VPS8: variants seen among roughly 807,000 people sequenced by gnomAD.
The protein encoded by VPS8 is VPS8 subunit of CORVET complex.
A neutral mutation model predicts 216.4 loss-of-function variants in VPS8; 129 were observed. The ratio of observed to expected loss-of-function variants is 0.60; its 90% confidence interval spans 0.52 to 0.69. The LOEUF (loss-of-function observed/expected upper bound fraction) is 0.69, where lower values mean the gene tolerates loss of function less well. Among genes scored for constraint, VPS8 ranks in the 30% least tolerant of loss-of-function variants. VPS8 has a pLI of 0.00. For synonymous variants in VPS8, 571 were observed against 565.4 expected (o/e 1.01, Z -0.14); for missense variants, 1,531 against 1,683.5 (o/e 0.91, Z 1.59).
At chr3:184,917,594 A>C (rs990138272) in intron 28 of VPS8, among the ~76,000 whole-genome samples, 2 of 152,010 alleles carry the variant, frequency 1.3e-5, no homozygotes, top group African/African-American at 2.4e-5. Context: ...ACACTTGGCT[A>C]ATTTTTGCAC....
In VPS8 at chr3:184,983,055, A is replaced by C. The variant is rs1293644980; in HGVS notation, c.3546A>C (p.Ala1182=). 1 of 1,610,376 alleles carries C rather than the reference A, an allele frequency of 6.2e-7. No homozygotes were observed. The highest frequency in any genetic ancestry group is 1.1e-5 in the South Asian group (1 of 90,296). ...LTMQVLNSMA[A]FIALPSILQR... ...TGCAAGTTTTAAATAGCATGGCAGCATTTATTGCCCTTCCATCAATCTTGC... is the reference window on the plus strand; with the variant it reads ...TGCAAGTTTTAAATAGCATGGCAGCCTTTATTGCCCTTCCATCAATCTTGC... Residue 1182 remains alanine (A), a synonymous_variant, in exon 42 of 48, where the codon GCA becomes GCC. Coordinates refer to ENST00000625842, the MANE Select transcript of VPS8 (RefSeq NM_001009921.3).
chr3:184,933,605 A>C (rs1440828603), intron 34 of VPS8, among the ~76,000 whole-genome samples: 1 of 150,212 alleles, frequency 6.7e-6, no homozygotes, highest in African/African-American at 2.5e-5. Context: ...TTGCTTTCTT[A>C]TTTCTTTTTA....
At chr3:184,869,447 C>A (rs768962899) in intron 19 of VPS8, 35 bp from the exon 20 acceptor site, 5 of 1,610,512 alleles carry the variant, frequency 3.1e-6, no homozygotes, top group Non-Finnish European at 4.2e-6. Flanking sequence ...TGTGGACTAA[C>A]TTTTGTTTTT....
chr3:184,993,006 G>C (rs1333883666), intron 42 of VPS8, among the ~76,000 whole-genome samples: 1 of 152,044 alleles, frequency 6.6e-6, no homozygotes, highest in Non-Finnish European at 1.5e-5. Flanking sequence ...AAGGGGAAAA[G>C]TGAAGTGTTC....
At chr3:184,886,614 C>T (rs1314584446) in intron 22 of VPS8, among the ~76,000 whole-genome samples, 1 of 151,816 alleles carries the variant, frequency 6.6e-6, no homozygotes, top group Non-Finnish European at 1.5e-5. Context: ...GAATCTCGCC[C>T]TGTCACCCAG....
intron 30 of VPS8, among the ~76,000 whole-genome samples, chr3:184,925,741 T>TGCCTTATA (rs1739466934): frequency 6.6e-6 from 1 of 151,848 alleles, no homozygotes; most frequent in Non-Finnish European, 1.5e-5. Context: ...TTGACAACAC[T>TGCCTTATA]GCCTTATAGT....
chr3:184,899,150 A>AT (rs1734038544), intron 24 of VPS8, among the ~76,000 whole-genome samples: 2 of 152,108 alleles, frequency 1.3e-5, no homozygotes, highest in African/African-American at 4.8e-5. Context: ...ATTCATTCTA[A>AT]TTTTTTATTC....
rs182746994 is a variant in VPS8 at position 184,838,868 on chromosome 3, A to G, written c.480+122A>G. On this transcript the variant is annotated intron_variant, in intron 6 of 47. Coordinates refer to ENST00000625842, the MANE Select transcript of VPS8 (RefSeq NM_001009921.3). The stretch of plus-strand genomic sequence containing the variant: ...TGGTAATAAATTCACAAGTCATTTT[A>G]CTGCCAGTAATCAGGTTTAACATTT... 7.8e-4 allele frequency: 586 copies of G among 752,536 alleles called. 1 individual carries two copies. The highest frequency in any genetic ancestry group is 1.0e-3 in the Non-Finnish European group (502 of 478,768). The allele number at this position is 752,536 out of a possible 1,614,324, so 46.6% of individuals were successfully genotyped here. A position where few individuals can be genotyped will look rare whatever the true frequency, so the allele number is the denominator to read the frequency against.
intron 22 of VPS8, among the ~76,000 whole-genome samples, chr3:184,889,409 T>G (rs187531021): frequency 6.3e-4 from 96 of 152,314 alleles, no homozygotes; most frequent in African/African-American, 1.9e-3. Context: ...CTGGTGCTTT[T>G]CATACCTCTT....
chr3:184,837,838 C>T (rs557491844), intron 5 of VPS8, among the ~76,000 whole-genome samples: 8 of 152,230 alleles, frequency 5.3e-5, no homozygotes, highest in Non-Finnish European at 1.0e-4. Flanking sequence ...TACCAAGTAC[C>T]CTTTGTCAAG....
At chr3:184,829,037 T>A (rs977916362) in intron 3 of VPS8, among the ~76,000 whole-genome samples, 2 of 152,216 alleles carry the variant, frequency 1.3e-5, no homozygotes, top group Non-Finnish European at 2.9e-5. Context: ...GTTTTTAGAT[T>A]TGTTCACATT....
At chr3:184,900,854 G>C in intron 24 of VPS8, 67 bp from the exon 25 acceptor site, 3 of 1,395,284 alleles carry the variant, frequency 2.2e-6, no homozygotes, top group Non-Finnish European at 3.0e-6. Context: ...AATAGCATAA[G>C]ATTCTTATTT....
At position 184,894,730 on chromosome 3, in the gene VPS8, T is replaced by C; in HGVS notation, c.1809T>C (p.Asp603=). The part of the protein sequence containing the change: ...RKDLLFSQMY[D]KLSENSVAKG... ...ATCTTTTATTTAGTCAGATGTATGA[T>C]AAATTAAGTGAGAATTCAGTGGCCA... Residue 603 remains aspartate, a synonymous_variant, in exon 23 of 48, where the codon GAT becomes GAC. Coordinates refer to ENST00000625842, the MANE Select transcript of VPS8 (RefSeq NM_001009921.3). 1 of 1,605,732 alleles carries C rather than the reference T, an allele frequency of 6.2e-7. No individual in the cohort carries two copies. Among genetic ancestry groups the C allele is most frequent in the Non-Finnish European group, 8.5e-7 (1 of 1,175,552 alleles).
intron 6 of VPS8, chr3:184,839,469 A>G (rs1211615868): frequency 1.2e-5 from 6 of 484,740 alleles, no homozygotes; most frequent in South Asian, 3.0e-5. Flanking sequence ...AATGTTGAAC[A>G]TATGATATTT....
chr3:184,901,884 T>C (rs1185791292), intron 25 of VPS8, among the ~76,000 whole-genome samples: 2 of 152,218 alleles, frequency 1.3e-5, no homozygotes, highest in Non-Finnish European at 2.9e-5. Flanking sequence ...CCTAATGCTG[T>C]ACCATTTCTC....
intron 29 of VPS8, among the ~76,000 whole-genome samples, chr3:184,921,547 G>C (rs1366733012): frequency 6.6e-6 from 1 of 152,020 alleles, no homozygotes; most frequent in Non-Finnish European, 1.5e-5. Flanking sequence ...CATGTGCTTA[G>C]CTAAACATGA....
chr3:184,893,483 C>T (rs1732764317), intron 22 of VPS8: 7 of 505,390 alleles, frequency 1.4e-5, no homozygotes, highest in Non-Finnish European at 1.9e-5. Flanking sequence ...TGATACAAGG[C>T]AATACAATTT....
intron 42 of VPS8, among the ~76,000 whole-genome samples, chr3:184,983,497 C>T (rs918023130): frequency 2.6e-5 from 4 of 152,170 alleles, no homozygotes; most frequent in African/African-American, 9.7e-5. Context: ...GGCTTTCTAA[C>T]TCATCCTAAA....
At chr3:185,049,922 C>T (rs1713812355) in intron 47 of VPS8, among the ~76,000 whole-genome samples, 2 of 152,044 alleles carry the variant, frequency 1.3e-5, no homozygotes, top group African/African-American at 2.4e-5. Context: ...CTCCTGGATG[C>T]AGTCCAGCAG....
Sources: gnomAD v4.1 joint callset for allele counts (sites outside exome capture counted in the v4.1 genomes callset) on GRCh38, gnomAD v4.1.1 for gene constraint, MANE v1.5 for transcripts, NCBI Gene and HGNC (gene_info 2026-07-23, HGNC 2026-07-21) for gene names.